NKAIN3: variants seen among roughly 807,000 people sequenced by gnomAD.
NKAIN3 encodes the protein sodium/potassium transporting ATPase interacting 3.
NKAIN3 carries 25 observed loss-of-function variants against 30.2 expected under a neutral mutation model. That is an observed-to-expected ratio of 0.83 (90% CI 0.60 to 1.16). The LOEUF (loss-of-function observed/expected upper bound fraction) is 1.16, where lower values mean the gene tolerates loss of function less well. NKAIN3 is among the 50% of genes most tolerant of loss of function. The pLI is 0.00. For synonymous variants in NKAIN3, 91 were observed against 89.6 expected, an observed-to-expected ratio of 1.02 and a Z score of -0.09; for missense variants, 225 against 254.1, an observed-to-expected ratio of 0.89 and a Z score of 0.78.
At chr8:62,523,291 C>T (rs565122259) in intron 1 of NKAIN3, among the ~76,000 whole-genome samples, 5 of 152,228 alleles carry the variant, frequency 3.3e-5, no homozygotes, top group African/African-American at 1.2e-4. Flanking sequence ...TGTAAGTACA[C>T]TCTGTGATGT....
At chr8:62,399,078 G>A (rs549605801) in intron 1 of NKAIN3, among the ~76,000 whole-genome samples, 6 of 152,018 alleles carry the variant, frequency 3.9e-5, no homozygotes, top group African/African-American at 1.2e-4. Flanking sequence ...GTGACAGAGC[G>A]AGACTCCTTC....
intron 3 of NKAIN3, among the ~76,000 whole-genome samples, chr8:62,694,343 T>C (rs1814086197): frequency 6.6e-6 from 1 of 152,314 alleles, no homozygotes; most frequent in Admixed American, 6.5e-5. Flanking sequence ...AAATATGCTA[T>C]ATACATACAA....
intron 1 of NKAIN3, among the ~76,000 whole-genome samples, chr8:62,467,373 C>A (rs1806194704): frequency 6.6e-6 from 1 of 152,134 alleles, no homozygotes; most frequent in Non-Finnish European, 1.5e-5. Context: ...TGATCAGAAA[C>A]CTTATGAAAA....
chr8:62,585,091 T>G (rs1404013367), intron 2 of NKAIN3, among the ~76,000 whole-genome samples: 1 of 152,200 alleles, frequency 6.6e-6, no homozygotes, highest in Non-Finnish European at 1.5e-5. Flanking sequence ...ATGACAGCAA[T>G]GTACTGCCTT....
rs1242137109 is a variant in NKAIN3 at position 62,974,816 on chromosome 8, T to C, written c.*9409T>C. 6.6e-6 allele frequency among the ~76,000 whole-genome samples: 1 copy of C among 152,182 alleles called. No individual in the cohort carries two copies. Among genetic ancestry groups the C allele is most frequent in the East Asian group, 1.9e-4 (1 of 5,200 alleles). ...TGTGGGTTTGTCATAACAGCTCTTA[T>C]TATTTTGAGATATGTTCCATCAATA... On this transcript the variant is annotated 3_prime_UTR_variant, in exon 7 of 7. Coordinates refer to ENST00000623646, the MANE Select transcript of NKAIN3 (RefSeq NM_001304533.3).
chr8:62,503,588 C>T (rs753131542), intron 1 of NKAIN3, among the ~76,000 whole-genome samples: 2 of 152,048 alleles, frequency 1.3e-5, no homozygotes, highest in Non-Finnish European at 2.9e-5. Flanking sequence ...CTTATCTCAA[C>T]CGCATAGGAC....
chr8:62,937,684 G>A (rs1170140696), intron 5 of NKAIN3, among the ~76,000 whole-genome samples: 1 of 152,072 alleles, frequency 6.6e-6, no homozygotes, highest in Non-Finnish European at 1.5e-5. Context: ...TTCCTGGACA[G>A]AATCTGTAGT....
chr8:62,815,695 A>G (rs1291926930), intron 4 of NKAIN3, among the ~76,000 whole-genome samples: 1 of 152,190 alleles, frequency 6.6e-6, no homozygotes, highest in Non-Finnish European at 1.5e-5. Flanking sequence ...ACTCTCAATA[A>G]ATTAGGTATT....
At chr8:62,335,485 C>G (rs1026856442) in intron 1 of NKAIN3, among the ~76,000 whole-genome samples, 1 of 150,162 alleles carries the variant, frequency 6.7e-6, no homozygotes, top group Non-Finnish European at 1.5e-5. Context: ...CTTATTCCAT[C>G]AGAGCCCTGC....
At chr8:62,409,445 A>G (rs1804173570) in intron 1 of NKAIN3, among the ~76,000 whole-genome samples, 1 of 152,150 alleles carries the variant, frequency 6.6e-6, no homozygotes, top group African/African-American at 2.4e-5. Context: ...TGGCCTCCCA[A>G]AGTGCTGGGA....
chr8:62,284,765 G>A (rs539330170), intron 1 of NKAIN3, among the ~76,000 whole-genome samples: 1 of 152,152 alleles, frequency 6.6e-6, no homozygotes, highest in South Asian at 2.1e-4. Flanking sequence ...AAACATGAAT[G>A]TGGTGTAATT....
intron 4 of NKAIN3, among the ~76,000 whole-genome samples, chr8:62,850,574 T>A (rs940916856): frequency 2.0e-5 from 3 of 152,108 alleles, no homozygotes; most frequent in Non-Finnish European, 4.4e-5. Context: ...TCTTCTAGGG[T>A]TTTTATGGTT....
At chr8:62,275,147 T>A (rs1026086061) in intron 1 of NKAIN3, among the ~76,000 whole-genome samples, 12 of 152,120 alleles carry the variant, frequency 7.9e-5, no homozygotes, top group Admixed American at 4.6e-4. Flanking sequence ...TATTTCTAGT[T>A]CTAGATCCCT....
intron 3 of NKAIN3, among the ~76,000 whole-genome samples, chr8:62,744,322 G>A (rs966388249): frequency 6.6e-6 from 1 of 152,036 alleles, no homozygotes; most frequent in Admixed American, 6.6e-5. Flanking sequence ...GTCATTGTGA[G>A]GAATAGTACC....
rs1230026971 is a variant in NKAIN3 at position 62,498,537 on chromosome 8, A to T, written c.55-81002A>T. Among the ~76,000 whole-genome samples the T allele has an allele frequency of 3.3e-5, 5 of 151,898 alleles. No individual in the cohort carries two copies. In the East Asian group the frequency reaches 9.7e-4, roughly 30 times the overall value. Reference sequence around the variant, plus strand: ...GTTTTCGGCCTCTGCTTGGATGATAACTACTATAATCTCATTGGCTAAAGC... The same window carrying T: ...GTTTTCGGCCTCTGCTTGGATGATATCTACTATAATCTCATTGGCTAAAGC... On this transcript the variant is annotated intron_variant, in intron 1 of 6. Transcript: ENST00000623646.
intron 4 of NKAIN3, among the ~76,000 whole-genome samples, chr8:62,850,940 G>A (rs147735484): frequency 6.6e-6 from 1 of 151,890 alleles, no homozygotes; most frequent in African/African-American, 2.4e-5. Flanking sequence ...GCTATGTGGG[G>A]TCTTTTTTGG....
chr8:62,438,148 A>ACTC (rs1167556170), intron 1 of NKAIN3, among the ~76,000 whole-genome samples: 19 of 151,864 alleles, frequency 1.3e-4, no homozygotes, highest in African/African-American at 4.6e-4. Flanking sequence ...CTGGCTCCAC[A>ACTC]CTCCTCTTCT....
intron 1 of NKAIN3, among the ~76,000 whole-genome samples, chr8:62,560,531 CTTTTTTTT>C (rs869256384): frequency 1.1e-4 from 5 of 45,364 alleles, no homozygotes; most frequent in Admixed American, 4.2e-4. Context: ...TTTTTCTTTT[CTTTTTTTT>C]TTTTTTTTTT....
intron 4 of NKAIN3, among the ~76,000 whole-genome samples, chr8:62,846,758 A>G (rs190692875): frequency 7.2e-5 from 11 of 152,176 alleles, no homozygotes; most frequent in African/African-American, 2.6e-4. Context: ...ATCTGTTCTC[A>G]TGCTGCGAAT....
Sources: gnomAD v4.1 joint callset for allele counts (sites outside exome capture counted in the v4.1 genomes callset) on GRCh38, gnomAD v4.1.1 for gene constraint, MANE v1.5 for transcripts, NCBI Gene and HGNC (gene_info 2026-07-23, HGNC 2026-07-21) for gene names.